The following KLHL13 variants were observed in gnomAD, a reference collection of about 807,000 sequenced individuals.
KLHL13 encodes the protein kelch like family member 13, also known as kelch-like protein 13.
In KLHL13, 10 loss-of-function variants were observed where a neutral mutation model predicts 37.1. That is an observed-to-expected ratio of 0.27 (90% CI 0.17 to 0.46). The LOEUF (loss-of-function observed/expected upper bound fraction) is 0.46, where lower values mean the gene tolerates loss of function less well. Among genes scored for constraint, KLHL13 ranks in the 20% least tolerant of loss-of-function variants. The probability of loss-of-function intolerance (pLI) is 1.00; values close to 1 mark genes in which losing one functional copy is unlikely to be tolerated. For synonymous variants in KLHL13, 163 were observed against 181.2 expected, an observed-to-expected ratio of 0.90 and a Z score of 0.81; for missense variants, 360 against 509.3, an observed-to-expected ratio of 0.71 and a Z score of 2.82.
At chrX:118,063,130 A>G (rs1490294217) in intron 1 of KLHL13, among the ~76,000 whole-genome samples, 4 of 111,482 alleles carry the variant, frequency 3.6e-5, no homozygotes, top group African/African-American at 6.5e-5. Flanking sequence ...TAGAATTTCA[A>G]TCGTGAAAGA....
At chrX:118,061,727 T>C (rs989888534) in intron 1 of KLHL13, among the ~76,000 whole-genome samples, 1 of 111,845 alleles carries the variant, frequency 8.9e-6, no homozygotes, top group African/African-American at 3.2e-5. Context: ...AGTCCATTCT[T>C]AAAGATTACA....
At chrX:117,951,765 G>C (rs768491897) in intron 1 of KLHL13, among the ~76,000 whole-genome samples, 1 of 112,312 alleles carries the variant, frequency 8.9e-6, no homozygotes, top group South Asian at 3.7e-4. Flanking sequence ...CATTTACCCA[G>C]CACCTGCTGT....
intron 2 of KLHL13, among the ~76,000 whole-genome samples, chrX:117,931,498 T>G (rs183459690): frequency 8.9e-6 from 1 of 111,865 alleles, no homozygotes; most frequent in African/African-American, 3.2e-5. Flanking sequence ...TTTTTTCTCT[T>G]TTCAGTAGGT....
chrX:117,914,454 A>G (rs757285181), intron 4 of KLHL13: 1 of 111,268 alleles, frequency 9.0e-6, no homozygotes, highest in South Asian at 3.8e-4. Flanking sequence ...GGTGCTATCT[A>G]GTTTATTAAA....
chrX:117,986,273 T>C (rs73595686), intron 1 of KLHL13, among the ~76,000 whole-genome samples: 3,014 of 111,633 alleles, frequency 0.027, 97 homozygotes, highest in African/African-American at 0.092. Flanking sequence ...CTAGAAGAAA[T>C]AGCCTGTGCA....
chrX:118,115,362 C>T (rs1371538932), intron 1 of KLHL13, among the ~76,000 whole-genome samples: 1 of 112,628 alleles, frequency 8.9e-6, no homozygotes, highest in Non-Finnish European at 1.9e-5. Context: ...GCTAACACCA[C>T]AACTACATGG....
rs1370630981 is a variant in KLHL13, at chrX:118,034,448, C to T, written c.-56+82060G>A. 1.2e-4 allele frequency among the ~76,000 whole-genome samples: 12 copies of T among 96,254 alleles called. No homozygotes were observed. The East Asian group carries it at 2.8e-3, about 23-fold the overall frequency. 83.6% of individuals were successfully genotyped at this position (96,254 alleles called of 115,157 possible). On this transcript the variant is annotated intron_variant, in intron 1 of 6. Coordinates refer to the KLHL13 transcript ENST00000371882. Reference sequence around the variant, plus strand: ...CAGGATTAAGAATCTCACTCAAAGCCGCTCAACTACATGGAAACTGAACAA... The same window carrying T: ...CAGGATTAAGAATCTCACTCAAAGCTGCTCAACTACATGGAAACTGAACAA...
intron 2 of KLHL13, among the ~76,000 whole-genome samples, chrX:117,943,816 A>G (rs1297730330): frequency 9.1e-6 from 1 of 109,318 alleles, no homozygotes; most frequent in African/African-American, 3.3e-5. Flanking sequence ...TACCTTCTAA[A>G]GCCTACTTCT....
intron 1 of KLHL13, among the ~76,000 whole-genome samples, chrX:117,952,686 A>T (rs1386925218): frequency 9.1e-6 from 1 of 109,751 alleles, no homozygotes; most frequent in Non-Finnish European, 1.9e-5. Flanking sequence ...AGAATCTACA[A>T]TGAACTCCAA....
intron 2 of KLHL13, among the ~76,000 whole-genome samples, chrX:117,931,484 T>C (rs1437141204): frequency 6.4e-5 from 7 of 109,117 alleles, no homozygotes; most frequent in Admixed American, 5.8e-4. Flanking sequence ...TTCTCCCTGA[T>C]TTTTTTTTTC....
intron 1 of KLHL13, among the ~76,000 whole-genome samples, chrX:118,070,738 T>G (rs1017383158): frequency 7.8e-5 from 8 of 101,955 alleles, no homozygotes; most frequent in Non-Finnish European, 1.4e-4. Flanking sequence ...TTTTTAATTT[T>G]TAAATATTTT....
chrX:118,055,574 G>C (rs779243660), intron 1 of KLHL13, among the ~76,000 whole-genome samples: 1 of 111,465 alleles, frequency 9.0e-6, no homozygotes, highest in Non-Finnish European at 1.9e-5. Flanking sequence ...GTAAGTGAGG[G>C]TCTCACCTCA....
chrX:118,043,355 G>C (rs1569301403), intron 1 of KLHL13, among the ~76,000 whole-genome samples: 1 of 111,414 alleles, frequency 9.0e-6, no homozygotes, highest in Non-Finnish European at 1.9e-5. Flanking sequence ...CCAAATAATG[G>C]AGGAGGAATG....
chrX:117,938,259 G>C (rs761288178), intron 2 of KLHL13, among the ~76,000 whole-genome samples: 2 of 111,198 alleles, frequency 1.8e-5, no homozygotes, highest in South Asian at 3.8e-4. Context: ...TTCATGCAAC[G>C]ATTCACCTAC....
chrX:117,985,322 GAGTTTTAA>G, intron 1 of KLHL13: 1 of 1,129,393 alleles, frequency 8.9e-7, no homozygotes, highest in Non-Finnish European at 1.2e-6. Context: ...AAATTCTCTG[GAGTTTTAA>G]AGTTAAGAGC....
chrX:117,943,978 G>T (rs751441295), intron 2 of KLHL13, among the ~76,000 whole-genome samples: 2 of 110,846 alleles, frequency 1.8e-5, no homozygotes, highest in Non-Finnish European at 3.8e-5. Flanking sequence ...TCTACCTTTG[G>T]TCTTTAATGT....
chrX:118,097,712 T>C (rs2055228962), intron 1 of KLHL13, among the ~76,000 whole-genome samples: 1 of 111,792 alleles, frequency 8.9e-6, no homozygotes, highest in African/African-American at 3.3e-5. Flanking sequence ...AACAGCATGG[T>C]ACTGGTACCA....
At chrX:118,014,926 GA>G (rs201120759) in intron 1 of KLHL13, among the ~76,000 whole-genome samples, 3,171 of 112,014 alleles carry the variant, frequency 0.028, 128 homozygotes, top group African/African-American at 0.096. Flanking sequence ...AATCTAATAA[GA>G]AAAACAGGGA....
chrX:117,997,299 TAG>T (rs2053865690), intron 1 of KLHL13, among the ~76,000 whole-genome samples: 1 of 111,291 alleles, frequency 9.0e-6, no homozygotes, highest in Non-Finnish European at 1.9e-5. Flanking sequence ...TTTTTAAATA[TAG>T]AGATTATCAT....
Sources: gnomAD v4.1 joint callset for allele counts (sites outside exome capture counted in the v4.1 genomes callset) on GRCh38, gnomAD v4.1.1 for gene constraint, MANE v1.5 for transcripts, NCBI Gene and HGNC (gene_info 2026-07-23, HGNC 2026-07-21) for gene names.